Variants in TWIST2 observed in about 807,000 individuals in gnomAD.
The protein encoded by TWIST2 is twist-related protein 2.
Under a neutral mutation model 11.6 loss-of-function variants are expected in TWIST2, and 1 was observed. The observed-to-expected ratio is 0.09, with a 90% confidence interval of 0.03 to 0.41. TWIST2 has a LOEUF of 0.41. TWIST2 is among the 10% of genes least tolerant of loss of function. The pLI is 0.98. For synonymous variants in TWIST2, 87 were observed against 96.6 expected (o/e 0.90, Z 0.58); for missense variants, 168 against 226.4 (o/e 0.74, Z 1.66).
intron 1 of TWIST2, among the ~76,000 whole-genome samples, chr2:238,873,569 C>T (rs1049557890): frequency 7.9e-5 from 12 of 152,204 alleles, no homozygotes; most frequent in East Asian, 5.8e-4. Flanking sequence ...ACAAGAGCTA[C>T]GGGGTCCTGC....
chr2:238,902,800 TG>T lies in TWIST2; in HGVS notation c.*36-7041del, dbSNP rs1271220661. ...GTGTGTGATGTGGGGTGTTGTGATGTGTGAGGTGTGTGTGATGTGTGTATGT... is the reference window on the plus strand; with the variant it reads ...GTGTGTGATGTGGGGTGTTGTGATGTTGAGGTGTGTGTGATGTGTGTATGT... On this transcript the variant is annotated intron_variant, in intron 1 of 1. Transcript: ENST00000612363. 3.7e-5 allele frequency among the ~76,000 whole-genome samples: 5 copies of T among 136,180 alleles called. No homozygotes were observed. In the East Asian group the frequency reaches 1.2e-3, roughly 32 times the overall value. The allele number at this position is 136,180 out of a possible 152,430, so 89.3% of individuals were successfully genotyped here. A position where few individuals can be genotyped will look rare whatever the true frequency, so the allele number is the denominator to read the frequency against.
intron 1 of TWIST2, among the ~76,000 whole-genome samples, chr2:238,865,878 T>C (rs897479921): frequency 6.6e-6 from 1 of 152,186 alleles, no homozygotes; most frequent in African/African-American, 2.4e-5. Flanking sequence ...TGCCATTCGC[T>C]GTGATGAACC....
rs535275430 is a variant in TWIST2 at position 238,869,759 on chromosome 2, C to T, written c.*35+21026C>T. Among the ~76,000 whole-genome samples, 25 of 152,200 alleles carry T rather than the reference C, an allele frequency of 1.6e-4. 1 individual carries two copies. The South Asian group carries it at 4.8e-3, about 29-fold the overall frequency. Reference sequence around the variant, plus strand: ...AAGAGTTTGAGGCCAACCTGGGCAACCTAGTGAGATGCCATCTGTACAAAA... The same window carrying T: ...AAGAGTTTGAGGCCAACCTGGGCAATCTAGTGAGATGCCATCTGTACAAAA... On this transcript the variant is annotated intron_variant, in intron 1 of 1. Coordinates refer to ENST00000612363, the MANE Select transcript of TWIST2 (RefSeq NM_001271893.4).
chr2:238,871,897 G>A (rs1692710928), intron 1 of TWIST2, among the ~76,000 whole-genome samples: 1 of 152,148 alleles, frequency 6.6e-6, no homozygotes, highest in Admixed American at 6.5e-5. Flanking sequence ...CCGAGGGGAG[G>A]AGTGGGAAGT....
intron 1 of TWIST2, among the ~76,000 whole-genome samples, chr2:238,870,550 C>CAT (rs1692656733): frequency 1.5e-5 from 2 of 135,688 alleles, no homozygotes; most frequent in Non-Finnish European, 1.6e-5. Flanking sequence ...ACCCCACACA[C>CAT]CCCACACACA....
chr2:238,898,137 G>A (rs1274492439), intron 1 of TWIST2, among the ~76,000 whole-genome samples: 7 of 152,354 alleles, frequency 4.6e-5, no homozygotes, highest in Admixed American at 2.6e-4. Context: ...CTCAGGGCCC[G>A]GGTGCTGGGG....
At chr2:238,880,205 GTTAGTA>G (rs1281288792) in intron 1 of TWIST2, among the ~76,000 whole-genome samples, 8 of 150,264 alleles carry the variant, frequency 5.3e-5, no homozygotes, top group South Asian at 2.1e-4. Context: ...TGGTGTTACT[GTTAGTA>G]TTAGTATTAG....
intron 1 of TWIST2, among the ~76,000 whole-genome samples, chr2:238,887,422 A>G (rs75332377): frequency 0.023 from 3,466 of 152,332 alleles, 132 homozygotes; most frequent in African/African-American, 0.079. Flanking sequence ...TTTAGGAATC[A>G]AATCCTGGCA....
chr2:238,877,207 C>T (rs1692823476), intron 1 of TWIST2, among the ~76,000 whole-genome samples: 1 of 152,070 alleles, frequency 6.6e-6, no homozygotes, highest in Non-Finnish European at 1.5e-5. Context: ...AAAACAGCAA[C>T]AACAAAATCC....
chr2:238,896,569 C>A (rs1693210201), intron 1 of TWIST2, among the ~76,000 whole-genome samples: 1 of 152,190 alleles, frequency 6.6e-6, no homozygotes, highest in African/African-American at 2.4e-5. Context: ...CCACATGTCT[C>A]AAAAATTCCC....
rs1692541929 is a variant in TWIST2 at position 238,866,666 on chromosome 2, AAAG to A, written c.*35+17936_*35+17938del. Among the ~76,000 whole-genome samples, 1 of 152,002 alleles carries A rather than the reference AAAG, an allele frequency of 6.6e-6. No homozygotes were observed. The highest frequency in any genetic ancestry group is 1.5e-5 in the Non-Finnish European group (1 of 67,956). On this transcript the variant is annotated intron_variant, in intron 1 of 1. Coordinates refer to ENST00000612363, the MANE Select transcript of TWIST2 (RefSeq NM_001271893.4). The surrounding 1 kb of genome is among the most constrained non-coding windows in gnomAD (Gnocchi z 4.9). ...AGCGAGACTCCACCATGGAAAAAAA[AAAG>A]AAAAGCACGGCGCCTTCATGTTCCA... is the stretch of plus-strand genomic sequence containing the variant.
At chr2:238,905,620 C>T (rs1304971273) in intron 1 of TWIST2, among the ~76,000 whole-genome samples, 1 of 152,268 alleles carries the variant, frequency 6.6e-6, no homozygotes, top group South Asian at 2.1e-4. Context: ...ATGGGTGATA[C>T]GGTATTTCCC....
intron 1 of TWIST2, among the ~76,000 whole-genome samples, chr2:238,878,181 C>T (rs1476442890): frequency 6.6e-6 from 1 of 152,148 alleles, no homozygotes; most frequent in Admixed American, 6.5e-5. Context: ...TCATGGTGCC[C>T]TCTCCCCCAC....
rs1693199098 is a variant in TWIST2 at position 238,895,784 on chromosome 2, G to A, written c.*36-14058G>A. Among the ~76,000 whole-genome samples, 5 of 152,208 alleles carry A rather than the reference G, an allele frequency of 3.3e-5. No individual in the cohort carries two copies. The South Asian group carries it at 1.0e-3, about 31-fold the overall frequency. On this transcript the variant is annotated intron_variant, in intron 1 of 1. Transcript: ENST00000612363. ...CTGGGGGTTGCCAGGTGGACAGGGAGAGGCTCTGCAGGGTGGCCTCTCTGG... is the reference window on the plus strand; with the variant it reads ...CTGGGGGTTGCCAGGTGGACAGGGAAAGGCTCTGCAGGGTGGCCTCTCTGG...
chr2:238,848,226 G>A lies in TWIST2; in HGVS notation c.11G>A (p.Gly4Asp). The A allele has an allele frequency of 1.4e-6, 2 of 1,439,116 alleles. No homozygotes were observed. Among genetic ancestry groups the A allele is most frequent in the Non-Finnish European group, 1.8e-6 (2 of 1,093,718 alleles). 89.1% of individuals were successfully genotyped at this position (1,439,116 alleles called of 1,614,324 possible). The change falls in exon 1 of 2, where the codon GGC becomes GAC. Residue 4 changes from glycine (G) to aspartate (D), a missense_variant. By Grantham distance (94) the Gly-to-Asp change is moderately conservative. Transcript: ENST00000612363. The stretch of plus-strand genomic sequence containing the variant: ...CGCCGGGCGGGCGCCATGGAGGAGG[G>A]CTCCAGCTCGCCCGTGTCCCCCGTG... MEE[G>D]SSSPVSPVDS...
intron 1 of TWIST2, among the ~76,000 whole-genome samples, chr2:238,903,465 GTGTGATGTGTGTGCATGA>G (rs1693304218): frequency 7.0e-6 from 1 of 142,842 alleles, no homozygotes; most frequent in African/African-American, 2.7e-5. Flanking sequence ...TGTGAGGTGT[GTGTGATGTGTGTGCATGA>G]TGTGAGGTGT....
intron 1 of TWIST2, among the ~76,000 whole-genome samples, chr2:238,887,435 T>G (rs1481021242): frequency 6.6e-6 from 1 of 152,238 alleles, no homozygotes; most frequent in Non-Finnish European, 1.5e-5. Flanking sequence ...TCCTGGCATT[T>G]GGCTGAAATT....
intron 1 of TWIST2, among the ~76,000 whole-genome samples, chr2:238,858,028 T>A (rs144741458): frequency 0.25 from 38,252 of 152,066 alleles, 5,705 homozygotes; most frequent in South Asian, 0.37. Flanking sequence ...CAAAGCCAAC[T>A]GGCCTGGGGG....
At chr2:238,856,706 T>A (rs1692333915) in intron 1 of TWIST2, among the ~76,000 whole-genome samples, 1 of 152,156 alleles carries the variant, frequency 6.6e-6, no homozygotes, top group Non-Finnish European at 1.5e-5. Flanking sequence ...TGCCTCTCTC[T>A]GCTGCTGGCC....
Sources: allele counts gnomAD v4.1 joint callset (sites outside exome capture counted in the v4.1 genomes callset), GRCh38; gene constraint gnomAD v4.1.1; non-coding constraint Gnocchi (gnomAD v3.1); transcripts MANE v1.5; gene names NCBI Gene and HGNC (gene_info 2026-07-23, HGNC 2026-07-21).